KIF19: variants seen among roughly 807,000 people sequenced by gnomAD.
The protein encoded by KIF19 is kinesin-like protein KIF19.
In KIF19, 98 loss-of-function variants were observed where a neutral mutation model predicts 106.6. The ratio of observed to expected loss-of-function variants is 0.92; its 90% confidence interval spans 0.78 to 1.09. The LOEUF (loss-of-function observed/expected upper bound fraction) is 1.09. KIF19 is among the 50% of genes least tolerant of loss of function. The pLI, the probability that KIF19 is intolerant of heterozygous loss-of-function variation, is 0.00. For synonymous variants in KIF19, 516 were observed against 584.2 expected, an observed-to-expected ratio of 0.88 and a Z score of 1.68; for missense variants, 1,373 against 1,414.3, an observed-to-expected ratio of 0.97 and a Z score of 0.47.
chr17:74,343,231 G>T, intron 5 of KIF19, 71 bp downstream of exon 5: 2 of 1,503,264 alleles, frequency 1.3e-6, no homozygotes, highest in Non-Finnish European at 9.0e-7. Flanking sequence ...GCAGCTTCCC[G>T]GGGCGCTCAT....
chr17:74,350,825 C>T lies in KIF19; in HGVS notation c.1507C>T (p.Leu503=), dbSNP rs951098941. The T allele has an allele frequency of 6.2e-7, 1 of 1,614,042 alleles. No homozygotes were observed. Residue 503 remains leucine, a synonymous_variant, in exon 12 of 20, where the codon CTG becomes TTG. Transcript: ENST00000389916. ...SDTGDDQPDI[L]EPPEVAAARE... Reference sequence around the variant, plus strand: ...CACAGGTGATGACCAACCAGACATCCTGGAGCCACCCGAGGTGGCCGCAGC... The same window carrying T: ...CACAGGTGATGACCAACCAGACATCTTGGAGCCACCCGAGGTGGCCGCAGC...
rs745947666 is a variant in KIF19 at position 74,355,301 on chromosome 17, C to T, written c.2986C>T (p.Arg996Trp). Residue 996 changes from arginine to tryptophan, a missense_variant, in exon 20 of 20, where the codon CGG becomes TGG. By Grantham distance (101) the Arg-to-Trp change is moderately radical. Around this residue, in one of 3 missense-constraint regions of KIF19, gnomAD observed 1,020 missense variants for 1,008.2 expected, o/e 1.01. Coordinates refer to ENST00000389916, the MANE Select transcript of KIF19 (RefSeq NM_153209.4). ...CACCCATGGCAAAGATGGATGCTCC[C>T]GGCATAACTGAGGGGCCCTGCCTGG... is the stretch of plus-strand genomic sequence containing the variant. ...TSTHGKDGCS[R>W]HN The T allele has an allele frequency of 2.5e-5, 40 of 1,609,612 alleles. No homozygotes were observed. Among genetic ancestry groups the T allele is most frequent in the Admixed American group, 1.8e-4 (11 of 59,730 alleles).
rs1275211949 is a variant in KIF19, at chr17:74,353,219, C to A, written c.2138C>A (p.Ala713Asp). Residue 713 changes from alanine to aspartate, a missense_variant, in exon 16 of 20, where the codon GCT becomes GAT. Physicochemically the swap from Ala to Asp is moderately radical, Grantham distance 126. Transcript: ENST00000389916. ...TESEGHHVFKAGTGAWQAKSS... is the reference protein window; with the variant it reads ...TESEGHHVFKDGTGAWQAKSS... The stretch of plus-strand genomic sequence containing the variant: ...AGTGAAGGCCACCACGTGTTCAAGG[C>A]TGGTACTGGGGCCTGGCAGGCAAAA... 3.1e-6 allele frequency: 5 copies of A among 1,588,462 alleles called. No individual in the cohort carries two copies. The South Asian group carries it at 4.6e-5, about 15-fold the overall frequency.
At chr17:74,337,714 G>A (rs1004784017) in intron 2 of KIF19, among the ~76,000 whole-genome samples, 6 of 152,192 alleles carry the variant, frequency 3.9e-5, no homozygotes, top group African/African-American at 1.2e-4. Flanking sequence ...CTTGAGGGTC[G>A]GAAGGCAGGA....
intron 2 of KIF19, among the ~76,000 whole-genome samples, chr17:74,330,901 G>A (rs566148106): frequency 6.6e-6 from 1 of 152,274 alleles, no homozygotes; most frequent in African/African-American, 2.4e-5. Flanking sequence ...TGGGCTTCTG[G>A]CCCTAAGCTC....
At chr17:74,354,744 G>T in intron 18 of KIF19, 38 bp from the exon 19 acceptor site, 3 of 1,541,882 alleles carry the variant, frequency 1.9e-6, no homozygotes, top group Non-Finnish European at 2.6e-6. Flanking sequence ...AGATCCCTGT[G>T]CCGCTCTCGG....
At chr17:74,342,027 C>T in intron 3 of KIF19, 41 bp downstream of exon 3, 1 of 1,331,618 alleles carries the variant, frequency 7.5e-7, no homozygotes, top group Non-Finnish European at 1.0e-6. Flanking sequence ...GGAGCCCCTC[C>T]CCCACCCTTA....
intron 8 of KIF19, among the ~76,000 whole-genome samples, chr17:74,347,536 C>CAAA (rs570278328): frequency 0.021 from 2,260 of 109,778 alleles, 65 homozygotes; most frequent in African/African-American, 0.072. Context: ...GACCCTGTCT[C>CAAA]AAAAAAAAAA....
chr17:74,336,051 C>T (rs2054213496), intron 2 of KIF19, among the ~76,000 whole-genome samples: 1 of 152,176 alleles, frequency 6.6e-6, no homozygotes, highest in Non-Finnish European at 1.5e-5. Flanking sequence ...TGCTCCAGGC[C>T]TCTCTCCTTG....
At position 74,355,236 on chromosome 17, in the gene KIF19, G is replaced by A. The variant is rs9675190; in HGVS notation, c.2921G>A (p.Arg974Gln). The change falls in exon 20 of 20, where the codon CGA becomes CAA. Residue 974 changes from arginine to glutamine, a missense_variant. Physicochemically the swap from Arg to Gln is conservative, Grantham distance 43. This residue lies in a region of KIF19 where 1,020 missense variants were observed against 1,008.2 expected (regional missense o/e 1.01). Coordinates refer to ENST00000389916, the MANE Select transcript of KIF19 (RefSeq NM_153209.4). The stretch of plus-strand genomic sequence containing the variant: ...CCCCCCAACCCAGGTGGTGGTTCTC[G>A]ACGGGCTACCCGTGGGCCCCGCCTG... ...AVPPNPGGGS[R>Q]RATRGPRLPH... is the part of the protein sequence containing the mutation. 0.01 allele frequency: 16,905 copies of A among 1,612,728 alleles called. 1,492 individuals carry two copies. In the African/African-American group the frequency reaches 0.19, roughly 18 times the overall value.
intron 2 of KIF19, among the ~76,000 whole-genome samples, chr17:74,332,210 T>TGTGTGTG (rs1567897631): frequency 2.0e-4 from 22 of 108,848 alleles, no homozygotes; most frequent in East Asian, 8.3e-4. Flanking sequence ...GTGTGTGTGT[T>TGTGTGTG]TGTGTGTGTG....
chr17:74,355,324 T>C lies in KIF19; in HGVS notation c.*12T>C, dbSNP rs2144313289. 1.9e-6 allele frequency: 3 copies of C among 1,597,208 alleles called. No homozygotes were observed. Among genetic ancestry groups the C allele is most frequent in the Non-Finnish European group, 8.5e-7 (1 of 1,173,486 alleles). On this transcript the variant is annotated 3_prime_UTR_variant, in exon 20 of 20. Transcript: ENST00000389916. The stretch of plus-strand genomic sequence containing the variant: ...CCCGGCATAACTGAGGGGCCCTGCC[T>C]GGAACTGGCTCTCTCACCTCCCAAG...
rs900107347 is a variant in KIF19 at position 74,326,234 on chromosome 17, A to G, written c.-116A>G. 4.0e-5 allele frequency: 38 copies of G among 951,986 alleles called. No individual in the cohort carries two copies. The highest frequency in any genetic ancestry group is 5.3e-5 in the Non-Finnish European group (35 of 658,044). The allele number at this position is 951,986 out of a possible 1,614,324, so 59.0% of individuals were successfully genotyped here. A position where few individuals can be genotyped will look rare whatever the true frequency, so the allele number is the denominator to read the frequency against. ...GGCGCGTTGTTGGTTTCGGGTTGTC[A>G]GGCAGCGCGCGAGGCGGCGGGCAGC... On this transcript the variant is annotated 5_prime_UTR_variant, in exon 1 of 20. Transcript: ENST00000389916.
rs1261917517 is a variant in KIF19, at chr17:74,355,321, G to C, written c.*9G>C. ...GCTCCCGGCATAACTGAGGGGCCCTGCCTGGAACTGGCTCTCTCACCTCCC... is the reference window on the plus strand; with the variant it reads ...GCTCCCGGCATAACTGAGGGGCCCTCCCTGGAACTGGCTCTCTCACCTCCC... On this transcript the variant is annotated 3_prime_UTR_variant, in exon 20 of 20. Coordinates refer to ENST00000389916, the MANE Select transcript of KIF19 (RefSeq NM_153209.4). The C allele has an allele frequency of 6.3e-7, 1 of 1,599,640 alleles. No homozygotes were observed. Among genetic ancestry groups the C allele is most frequent in the Non-Finnish European group, 8.5e-7 (1 of 1,174,668 alleles).
At chr17:74,329,885 C>T (rs776347933) in intron 2 of KIF19, among the ~76,000 whole-genome samples, 4 of 152,206 alleles carry the variant, frequency 2.6e-5, no homozygotes, top group Non-Finnish European at 4.4e-5. Flanking sequence ...CACGTGAGCA[C>T]CTGATGGGCC....
In KIF19 at chr17:74,354,464, G is replaced by T; in HGVS notation, c.2611G>T (p.Gly871Cys). ...HGDGPRPWLR[G>C]QKKSLGKKRE... The stretch of plus-strand genomic sequence containing the variant: ...GGACGGCCCCAGGCCCTGGCTGCGT[G>T]GCCAGAAGAAAAGCCTGGGCAAGAA... Residue 871 changes from glycine (G) to cysteine (C), a missense_variant, in exon 18 of 20, where the codon GGC (glycine) becomes TGC (cysteine). This residue lies in a region of KIF19 where 1,020 missense variants were observed against 1,008.2 expected (regional missense o/e 1.01). Transcript: ENST00000389916. 6.2e-7 allele frequency: 1 copy of T among 1,609,764 alleles called. No homozygotes were observed. Among genetic ancestry groups the T allele is most frequent in the South Asian group, 1.1e-5 (1 of 90,498 alleles).
rs777968924 is a variant in KIF19 at position 74,355,136 on chromosome 17, G to A, written c.2867-46G>A. ...CCACTGGGTGATGGGAGAGGAGTTG[G>A]GGAGGCATTCCGAAACCACTGATCC... On this transcript the variant is annotated intron_variant, in intron 19 of 19. Coordinates refer to ENST00000389916, the MANE Select transcript of KIF19 (RefSeq NM_153209.4). 5.8e-6 allele frequency: 9 copies of A among 1,557,844 alleles called. No individual in the cohort carries two copies. The East Asian group carries it at 1.1e-4, about 20-fold the overall frequency.
chr17:74,340,555 G>GCGCGCGCACACACACACA, intron 2 of KIF19, among the ~76,000 whole-genome samples: 3 of 148,210 alleles, frequency 2.0e-5, no homozygotes, highest in African/African-American at 7.5e-5. Context: ...ATGCGCGCGC[G>GCGCGCGCACACACACACA]TACACACACA....
intron 2 of KIF19, chr17:74,329,278 C>G (rs917079566): frequency 6.6e-6 from 1 of 151,996 alleles, no homozygotes; most frequent in Non-Finnish European, 1.5e-5. Context: ...GAAACCCAGT[C>G]TCTACTGAAA....
Sources: gnomAD v4.1 joint callset for allele counts (sites outside exome capture counted in the v4.1 genomes callset) on GRCh38, gnomAD v4.1.1 for gene constraint, gnomAD v4.1.1 regional missense constraint, MANE v1.5 for transcripts, NCBI Gene and HGNC (gene_info 2026-07-23, HGNC 2026-07-21) for gene names.